Variants in ACOT7 observed in about 807,000 individuals in gnomAD.
ACOT7 encodes cytosolic acyl coenzyme A thioester hydrolase.
In ACOT7, 12 loss-of-function variants were observed where a neutral mutation model predicts 40.2. That is an observed-to-expected ratio of 0.30 (90% CI 0.19 to 0.48). The LOEUF is 0.48. ACOT7 is among the 20% of genes least tolerant of loss of function. The pLI, the probability that ACOT7 is intolerant of heterozygous loss-of-function variation, is 0.99. For synonymous variants in ACOT7, 228 were observed against 219.5 expected (o/e 1.04, Z -0.34); for missense variants, 395 against 530.8 (o/e 0.74, Z 2.51).
In ACOT7 at chr1:6,306,855, T is replaced by C. The variant is rs1407794880; in HGVS notation, c.712+11637A>G. On this transcript the variant is annotated intron_variant, in intron 6 of 8. Coordinates refer to ENST00000361521, the MANE Select transcript of ACOT7 (RefSeq NM_007274.4). The surrounding 1 kb of genome is among the most constrained non-coding windows in gnomAD (Gnocchi z 4.3). Reference sequence around the variant, plus strand: ...GGAAAAGAGTAACTGTGCCCTCTTTTGCATTTTTCAGTGAAAGTCAACTCC... The same window carrying C: ...GGAAAAGAGTAACTGTGCCCTCTTTCGCATTTTTCAGTGAAAGTCAACTCC... 1.6e-6 allele frequency: 2 copies of C among 1,289,006 alleles called. No homozygotes were observed. The highest frequency in any genetic ancestry group is 1.5e-5 in the African/African-American group (1 of 65,824). 79.8% of individuals were successfully genotyped at this position (1,289,006 alleles called of 1,614,324 possible). A position where few individuals can be genotyped will look rare whatever the true frequency, so the allele number is the denominator to read the frequency against.
Position 6,393,368 on chromosome 1 carries a change from G to C in ACOT7, c.32C>G (p.Pro11Arg), listed in dbSNP as rs1642569262. The C allele has an allele frequency of 4.8e-6, 6 of 1,237,256 alleles. No homozygotes were observed. The highest frequency in any genetic ancestry group is 4.0e-5 in the South Asian group (1 of 25,154). 76.6% of individuals were successfully genotyped at this position (1,237,256 alleles called of 1,614,324 possible). Residue 11 changes from proline to arginine, a missense_variant, in exon 1 of 9, where the codon CCG becomes CGG. This residue lies in a region of ACOT7 where 86 missense variants were observed against 60.5 expected (regional missense o/e 1.42). Coordinates refer to ENST00000361521, the MANE Select transcript of ACOT7 (RefSeq NM_007274.4). MARPGLIHSAPGLPDTCALLQ... is the reference protein window; with the variant it reads MARPGLIHSARGLPDTCALLQ... ...AAGGGCGCAGGTGTCTGGCAGGCCC[G>C]GCGCGGAATGAATGAGCCCGGGCCG...
Position 6,282,443 on chromosome 1 carries a change from A to G in ACOT7, c.830-1157T>C, listed in dbSNP as rs1402111298. The stretch of plus-strand genomic sequence containing the variant: ...TCCCAGGCGGCCCAGCGTGGCCTCT[A>G]TTCTGGGCCAGGCTCAAGGATATCC... On this transcript the variant is annotated intron_variant, in intron 7 of 8. Transcript: ENST00000361521. This position sits in a 1 kb window ranked among gnomAD's most constrained non-coding sequence, Gnocchi z 4.5. Among the ~76,000 whole-genome samples the G allele has an allele frequency of 5.3e-5, 8 of 152,044 alleles. No homozygotes were observed. Among genetic ancestry groups the G allele is most frequent in the African/African-American group, 1.9e-4 (8 of 41,404 alleles).
In ACOT7 at chr1:6,289,021, C is replaced by G. The variant is rs1016551512; in HGVS notation, c.829+5843G>C. ...GGAGGCTGAAGGAGAGAAAGCAAAG[C>G]ACTTCCTGCCTTAAATCTGGAGAAG... On this transcript the variant is annotated intron_variant, in intron 7 of 8. Coordinates refer to ENST00000361521, the MANE Select transcript of ACOT7 (RefSeq NM_007274.4). This position sits in a 1 kb window ranked among gnomAD's most constrained non-coding sequence, Gnocchi z 4.6. Among the ~76,000 whole-genome samples the G allele has an allele frequency of 6.6e-6, 1 of 152,224 alleles. No individual in the cohort carries two copies. The highest frequency in any genetic ancestry group is 1.5e-5 in the Non-Finnish European group (1 of 68,052).
At chr1:6,374,416 C>A (rs193294080) in intron 1 of ACOT7, among the ~76,000 whole-genome samples, 374 of 152,328 alleles carry the variant, frequency 2.5e-3, no homozygotes, top group Middle Eastern at 0.024. Context: ...AGTACGGCCA[C>A]CCTGAGTCTC....
At chr1:6,349,594 G>A (rs1024940892) in intron 2 of ACOT7, among the ~76,000 whole-genome samples, 155 bp downstream of exon 2, 4 of 152,148 alleles carry the variant, frequency 2.6e-5, no homozygotes, top group Non-Finnish European at 4.4e-5. Flanking sequence ...CTGAGGGTCC[G>A]GTGCAGAAAT....
At chr1:6,337,236 GCTGGGAGGCCGAGAAGCTCCCAGCACCTT>G (rs1641130776) in intron 3 of ACOT7, among the ~76,000 whole-genome samples, 1 of 152,242 alleles carries the variant, frequency 6.6e-6, no homozygotes, top group African/African-American at 2.4e-5. Context: ...CCAGGACACA[GCTGGGAGGCCGAGAAGCTCCCAGCACCTT>G]CTGGGTGAGC....
At chr1:6,380,547 C>G (rs995300753) in intron 1 of ACOT7, among the ~76,000 whole-genome samples, 1 of 149,694 alleles carries the variant, frequency 6.7e-6, no homozygotes, top group Non-Finnish European at 1.5e-5. Flanking sequence ...TGAGATCACG[C>G]CACTGCACTC....
rs1639131720 is a variant in ACOT7 at position 6,274,472 on chromosome 1, C to T, written c.1014+6630G>A. 6.6e-6 allele frequency among the ~76,000 whole-genome samples: 1 copy of T among 152,250 alleles called. No individual in the cohort carries two copies. The highest frequency in any genetic ancestry group is 1.5e-5 in the Non-Finnish European group (1 of 68,050). On this transcript the variant is annotated intron_variant, in intron 8 of 8. Transcript: ENST00000361521. The surrounding 1 kb of genome is among the most constrained non-coding windows in gnomAD (Gnocchi z 5.9). ...AGTGCCCTCCTTCCGGACGCTCCAG[C>T]CCATGCCACGCTGTCCTCTCGGCTG...
intron 8 of ACOT7, among the ~76,000 whole-genome samples, chr1:6,276,396 C>A (rs577238157): frequency 1.3e-5 from 2 of 152,126 alleles, no homozygotes; most frequent in Non-Finnish European, 2.9e-5. Context: ...CCTGCCTCTA[C>A]GCGCTGAGTT....
At chr1:6,387,045 G>C (rs1361840389) in intron 1 of ACOT7, among the ~76,000 whole-genome samples, 1 of 152,084 alleles carries the variant, frequency 6.6e-6, no homozygotes, top group African/African-American at 2.4e-5. Context: ...CAGTGTGCAG[G>C]GAACAGGGTA....
Position 6,306,497 on chromosome 1 carries a change from C to A in ACOT7, c.713-11517G>T, listed in dbSNP as rs576835234. The A allele has an allele frequency of 5.0e-5, 49 of 985,236 alleles. No homozygotes were observed. Among genetic ancestry groups the A allele is most frequent in the Admixed American group, 6.1e-5 (1 of 16,262 alleles). 61.0% of individuals were successfully genotyped at this position (985,236 alleles called of 1,614,324 possible). ...CAAGGTTCAAGTTCACCAGTCCCCA[C>A]GTCCCGCTCCCCCGCTGAAGCATCA... On this transcript the variant is annotated intron_variant, in intron 6 of 8. Transcript: ENST00000361521. The surrounding 1 kb of genome is among the most constrained non-coding windows in gnomAD (Gnocchi z 4.3).
intron 6 of ACOT7, among the ~76,000 whole-genome samples, chr1:6,297,430 A>C (rs1639839625): frequency 6.6e-6 from 1 of 152,242 alleles, no homozygotes; most frequent in Admixed American, 6.5e-5. Context: ...AGTCACGTTT[A>C]GGGTGGGAAT....
chr1:6,385,672 G>A (rs754154470), intron 1 of ACOT7: 9 of 1,610,660 alleles, frequency 5.6e-6, no homozygotes, highest in South Asian at 3.3e-5. Flanking sequence ...TTCATCCTGC[G>A]GTAAGTGGGC....
At chr1:6,290,472 G>A (rs752682464) in intron 7 of ACOT7, among the ~76,000 whole-genome samples, 4 of 152,218 alleles carry the variant, frequency 2.6e-5, no homozygotes, top group Non-Finnish European at 5.9e-5. Context: ...GTGACCGGCT[G>A]CCATGGCCCT....
At chr1:6,324,348 A>G (rs1640741639) in intron 5 of ACOT7, among the ~76,000 whole-genome samples, 1 of 152,232 alleles carries the variant, frequency 6.6e-6, no homozygotes, top group Non-Finnish European at 1.5e-5. Flanking sequence ...CAAAAAAGTA[A>G]AAATAAAAGC....
At chr1:6,305,341 C>T (rs1640109989) in intron 6 of ACOT7, among the ~76,000 whole-genome samples, 1 of 144,990 alleles carries the variant, frequency 6.9e-6, no homozygotes, top group Non-Finnish European at 1.5e-5. Flanking sequence ...AGGCGCCCCT[C>T]ACCTCCCGGA....
intron 1 of ACOT7, among the ~76,000 whole-genome samples, chr1:6,366,318 C>T (rs2148470220): frequency 6.6e-6 from 1 of 152,184 alleles, no homozygotes; most frequent in East Asian, 1.9e-4. Flanking sequence ...CACGGTGGCT[C>T]ATGTCTGTAA....
At position 6,306,436 on chromosome 1, in the gene ACOT7, C is replaced by T. The variant is rs184566483; in HGVS notation, c.713-11456G>A. The T allele has an allele frequency of 5.5e-5, 54 of 985,184 alleles. No homozygotes were observed. The African/African-American group carries it at 8.6e-4, about 16-fold the overall frequency. 61.0% of individuals were successfully genotyped at this position (985,184 alleles called of 1,614,324 possible). ...TTGGACTGGAGTGATATGAACCCCA[C>T]GCCCAGGCTTTCAGGGTTGACACCA... On this transcript the variant is annotated intron_variant, in intron 6 of 8. Coordinates refer to ENST00000361521, the MANE Select transcript of ACOT7 (RefSeq NM_007274.4). This position sits in a 1 kb window ranked among gnomAD's most constrained non-coding sequence, Gnocchi z 4.3.
intron 1 of ACOT7, among the ~76,000 whole-genome samples, chr1:6,356,943 G>A (rs1034978930): frequency 3.4e-4 from 48 of 142,962 alleles, no homozygotes; most frequent in African/African-American, 1.1e-3. Flanking sequence ...GGACGACGAC[G>A]ACTACACTTT....
Sources: gnomAD v4.1 joint callset for allele counts (sites outside exome capture counted in the v4.1 genomes callset) on GRCh38, gnomAD v4.1.1 for gene constraint, gnomAD v4.1.1 regional missense constraint, Gnocchi (gnomAD v3.1) non-coding constraint, MANE v1.5 for transcripts, NCBI Gene and HGNC (gene_info 2026-07-23, HGNC 2026-07-21) for gene names.